The following UNC5D variants were observed in gnomAD, a reference collection of about 807,000 sequenced individuals.
UNC5D encodes the protein unc-5 netrin receptor D.
In UNC5D, 39 loss-of-function variants were observed where a neutral mutation model predicts 105.4. The observed-to-expected ratio is 0.37, with a 90% CI of 0.29 to 0.48. The LOEUF (loss-of-function observed/expected upper bound fraction) is 0.48. Ranked by LOEUF, UNC5D falls within the 20% of genes least tolerant of loss-of-function variation. The pLI is 0.98. For synonymous variants in UNC5D, 452 were observed against 450.4 expected (o/e 1.00, Z -0.04); for missense variants, 991 against 1,202.4 (o/e 0.82, Z 2.60).
intron 1 of UNC5D, among the ~76,000 whole-genome samples, chr8:35,472,763 C>T (rs1211860011): frequency 1.3e-5 from 2 of 152,062 alleles, no homozygotes; most frequent in African/African-American, 4.8e-5. Flanking sequence ...TATTTAGTTG[C>T]CAGGATGAAT....
intron 5 of UNC5D, among the ~76,000 whole-genome samples, chr8:35,684,239 A>G (rs1179949511): frequency 6.6e-6 from 1 of 152,214 alleles, no homozygotes; most frequent in Admixed American, 6.5e-5. Context: ...CCTGGGATTT[A>G]TTTTTGAAGC....
intron 1 of UNC5D, among the ~76,000 whole-genome samples, chr8:35,448,012 C>G (rs1464564303): frequency 6.6e-6 from 1 of 152,058 alleles, no homozygotes; most frequent in East Asian, 1.9e-4. Context: ...CAGTATTCTC[C>G]AAAACCTCCC....
chr8:35,436,582 T>C (rs1158688661), intron 1 of UNC5D, among the ~76,000 whole-genome samples: 1 of 152,098 alleles, frequency 6.6e-6, no homozygotes, highest in Non-Finnish European at 1.5e-5. Flanking sequence ...AGAGTTGGCA[T>C]TCAGTTGGGT....
Position 35,790,598 on chromosome 8 carries a change from CT to C in UNC5D, c.*37del, listed in dbSNP as rs1802994416. 1.9e-6 allele frequency: 3 copies of C among 1,610,306 alleles called. No individual in the cohort carries two copies. The highest frequency in any genetic ancestry group is 2.5e-6 in the Non-Finnish European group (3 of 1,177,784). On this transcript the variant is annotated 3_prime_UTR_variant, in exon 17 of 17. Coordinates refer to ENST00000404895, the MANE Select transcript of UNC5D (RefSeq NM_080872.4). ...TCCCATGAGACAGAGTGATGGCCAG[CT>C]TGGGGACATTTGCTTTAAATGGGAA... is the stretch of plus-strand genomic sequence containing the variant.
intron 1 of UNC5D, among the ~76,000 whole-genome samples, chr8:35,305,593 C>CA (rs1554505761): frequency 1.4e-4 from 20 of 142,144 alleles, no homozygotes; most frequent in South Asian, 2.3e-4. Context: ...TTCTTTCTTT[C>CA]TTTCTTTCTT....
intron 16 of UNC5D, among the ~76,000 whole-genome samples, chr8:35,789,137 CTATATATATATATATATATATATA>C (rs58201859): frequency 0.034 from 1,096 of 32,476 alleles, 72 homozygotes; most frequent in Non-Finnish European, 0.065. Flanking sequence ...GGAGAAAAGA[CTATATATATATATATATATATATA>C]TATATATATA....
chr8:35,511,742 TAA>T (rs113992530), intron 1 of UNC5D, among the ~76,000 whole-genome samples: 5 of 133,202 alleles, frequency 3.8e-5, no homozygotes, highest in East Asian at 2.5e-4. Flanking sequence ...AAAAAAAAAT[TAA>T]AAAAAAAAAC....
chr8:35,527,636 G>A (rs903970328), intron 1 of UNC5D, among the ~76,000 whole-genome samples: 1 of 152,026 alleles, frequency 6.6e-6, no homozygotes, highest in Non-Finnish European at 1.5e-5. Flanking sequence ...TCTGCTTCCT[G>A]GGTTCAAGCG....
At chr8:35,334,052 C>A (rs191322214) in intron 1 of UNC5D, among the ~76,000 whole-genome samples, 103 of 152,162 alleles carry the variant, frequency 6.8e-4, no homozygotes, top group African/African-American at 2.0e-3. Flanking sequence ...CCACACAGAA[C>A]CTTTTTGATA....
At chr8:35,455,686 A>G (rs1242575520) in intron 1 of UNC5D, among the ~76,000 whole-genome samples, 1 of 152,116 alleles carries the variant, frequency 6.6e-6, no homozygotes, top group Non-Finnish European at 1.5e-5. Flanking sequence ...AAACAAAAAA[A>G]AACAAAGAGC....
intron 1 of UNC5D, among the ~76,000 whole-genome samples, chr8:35,398,668 G>A (rs1804251031): frequency 6.6e-6 from 1 of 152,014 alleles, no homozygotes; most frequent in African/African-American, 2.4e-5. Context: ...AATACATAAG[G>A]AATTAATTTG....
intron 1 of UNC5D, among the ~76,000 whole-genome samples, chr8:35,422,073 ATG>A: frequency 6.6e-6 from 1 of 152,336 alleles, no homozygotes; most frequent in South Asian, 2.1e-4. Flanking sequence ...GTGGTAAACC[ATG>A]AACGGTATAG....
chr8:35,406,813 T>C (rs1804834981), intron 1 of UNC5D, among the ~76,000 whole-genome samples: 2 of 152,204 alleles, frequency 1.3e-5, no homozygotes, highest in African/African-American at 4.8e-5. Flanking sequence ...TATAATCTCC[T>C]AGTTTAGCAG....
chr8:35,260,288 A>G (rs1157349207), intron 1 of UNC5D, among the ~76,000 whole-genome samples: 1 of 152,184 alleles, frequency 6.6e-6, no homozygotes, highest in African/African-American at 2.4e-5. Flanking sequence ...GGAGCGGTCC[A>G]TCATTCCAAA....
At chr8:35,751,918 A>T (rs1038666369) in intron 13 of UNC5D, among the ~76,000 whole-genome samples, 3 of 152,220 alleles carry the variant, frequency 2.0e-5, no homozygotes, top group Non-Finnish European at 4.4e-5. Flanking sequence ...AACAGAAAGG[A>T]ACACCACATC....
At chr8:35,715,541 A>G (rs1023682588) in intron 8 of UNC5D, among the ~76,000 whole-genome samples, 4 of 152,218 alleles carry the variant, frequency 2.6e-5, no homozygotes, top group Non-Finnish European at 4.4e-5. Flanking sequence ...AGAAATATTT[A>G]ATGTTAAAAA....
intron 1 of UNC5D, among the ~76,000 whole-genome samples, chr8:35,436,394 A>G (rs949723590): frequency 6.6e-5 from 10 of 152,086 alleles, no homozygotes; most frequent in African/African-American, 2.4e-4. Flanking sequence ...CACTTCGGAT[A>G]GGATTCATTT....
At chr8:35,779,364 T>G (rs147897881) in intron 16 of UNC5D, among the ~76,000 whole-genome samples, 164 of 152,348 alleles carry the variant, frequency 1.1e-3, no homozygotes, top group African/African-American at 3.8e-3. Context: ...AAATTACAAT[T>G]AAACATACTG....
At chr8:35,253,636 G>A (rs1803872477) in intron 1 of UNC5D, among the ~76,000 whole-genome samples, 2 of 151,784 alleles carry the variant, frequency 1.3e-5, no homozygotes, top group Non-Finnish European at 2.9e-5. Flanking sequence ...ACAGGCATGT[G>A]CCACCACGCC....
Sources: allele counts gnomAD v4.1 joint callset (sites outside exome capture counted in the v4.1 genomes callset), GRCh38; gene constraint gnomAD v4.1.1; transcripts MANE v1.5; gene names NCBI Gene and HGNC (gene_info 2026-07-23, HGNC 2026-07-21).